The following TP63 variants were observed in gnomAD, a reference collection of about 807,000 sequenced individuals.
TP63 encodes the protein tumor protein 63.
TP63 carries 17 observed loss-of-function variants against 82.8 expected under a neutral mutation model. That is an observed-to-expected ratio of 0.21 (90% CI 0.14 to 0.31). The LOEUF is 0.31. Ranked by LOEUF, TP63 falls within the 10% of genes least tolerant of loss-of-function variation. TP63 has a pLI of 1.00. For missense variants in TP63, 648 were observed against 895.3 expected (o/e 0.72, Z 3.52); for synonymous variants, 330 against 321.7 (o/e 1.03, Z -0.28).
intron 10 of TP63, among the ~76,000 whole-genome samples, chr3:189,875,340 G>C (rs1200008716): frequency 6.6e-6 from 1 of 151,550 alleles, no homozygotes; most frequent in Non-Finnish European, 1.5e-5. Context: ...GGCCAAGGTG[G>C]GTGGATCACG....
chr3:189,822,419 C>T (rs1728889929), intron 4 of TP63, among the ~76,000 whole-genome samples: 1 of 152,114 alleles, frequency 6.6e-6, no homozygotes, highest in South Asian at 2.1e-4. Flanking sequence ...AGGGTTTAAT[C>T]TGAAATGGTC....
intron 3 of TP63, among the ~76,000 whole-genome samples, chr3:189,750,494 G>A (rs956545440): frequency 6.6e-6 from 1 of 152,168 alleles, no homozygotes; most frequent in Non-Finnish European, 1.5e-5. Context: ...TCAACACATA[G>A]AAATGATAAA....
chr3:189,631,944 C>A (rs1729486364), intron 1 of TP63, among the ~76,000 whole-genome samples: 1 of 151,988 alleles, frequency 6.6e-6, no homozygotes, highest in African/African-American at 2.4e-5. Flanking sequence ...AAATAAACAC[C>A]AAATAATTTT....
At chr3:189,797,041 T>C (rs1381360578) in intron 3 of TP63, among the ~76,000 whole-genome samples, 1 of 152,084 alleles carries the variant, frequency 6.6e-6, no homozygotes, top group East Asian at 1.9e-4. Flanking sequence ...AGGGAATAAC[T>C]GGCAAGAATA....
At chr3:189,759,768 CAG>C (rs578183726) in intron 3 of TP63, among the ~76,000 whole-genome samples, 16 of 152,290 alleles carry the variant, frequency 1.1e-4, no homozygotes, top group African/African-American at 3.8e-4. Context: ...TGACCACCCT[CAG>C]AGAGAGTAGC....
At chr3:189,833,308 A>G (rs1198825883) in intron 4 of TP63, among the ~76,000 whole-genome samples, 1 of 152,264 alleles carries the variant, frequency 6.6e-6, no homozygotes, top group African/African-American at 2.4e-5. Context: ...TCAGACCAGC[A>G]TATAAACAAG....
At chr3:189,679,474 A>T (rs1715725125) in intron 1 of TP63, among the ~76,000 whole-genome samples, 1 of 151,962 alleles carries the variant, frequency 6.6e-6, no homozygotes, top group South Asian at 2.1e-4. Flanking sequence ...TTTTTAAATT[A>T]GATTATTTGT....
At chr3:189,645,042 C>T (rs921268773) in intron 1 of TP63, among the ~76,000 whole-genome samples, 1 of 152,014 alleles carries the variant, frequency 6.6e-6, no homozygotes, top group Admixed American at 6.6e-5. Flanking sequence ...ATTCAGACAT[C>T]CTAGTTTCCA....
intron 3 of TP63, among the ~76,000 whole-genome samples, chr3:189,743,914 A>C (rs1422929118): frequency 1.3e-5 from 2 of 152,132 alleles, no homozygotes; most frequent in Non-Finnish European, 2.9e-5. Context: ...TTTGACCATC[A>C]TGGGCCCTGA....
chr3:189,862,528 A>G (rs946959116), intron 4 of TP63, among the ~76,000 whole-genome samples: 2 of 152,170 alleles, frequency 1.3e-5, no homozygotes, highest in Admixed American at 1.3e-4. Flanking sequence ...ATCTTTACAT[A>G]CTTGGAAGGA....
At chr3:189,729,196 A>T (rs1212292558) in intron 1 of TP63, among the ~76,000 whole-genome samples, 3 of 152,182 alleles carry the variant, frequency 2.0e-5, no homozygotes, top group African/African-American at 7.2e-5. Flanking sequence ...CATTACCTTT[A>T]AGGAAGAAAT....
chr3:189,837,005 T>C (rs1041064389), intron 4 of TP63, among the ~76,000 whole-genome samples: 1 of 152,216 alleles, frequency 6.6e-6, no homozygotes, highest in Non-Finnish European at 1.5e-5. Flanking sequence ...ATGTAACCTT[T>C]CTTGAGATTA....
At chr3:189,856,430 A>T (rs1716299430) in intron 4 of TP63, among the ~76,000 whole-genome samples, 1 of 151,368 alleles carries the variant, frequency 6.6e-6, no homozygotes, top group South Asian at 2.1e-4. Context: ...TTAAATGTTT[A>T]TATTAGAAAA....
intron 1 of TP63, among the ~76,000 whole-genome samples, chr3:189,677,102 T>C (rs1221027914): frequency 6.6e-6 from 1 of 151,610 alleles, no homozygotes; most frequent in African/African-American, 2.4e-5. Flanking sequence ...TTCTGAGTTA[T>C]TTTACTTAAG....
In TP63 at chr3:189,881,850, T is replaced by G. The variant is rs1577186379; in HGVS notation, c.1350-4544T>G. On this transcript the variant is annotated intron_variant, in intron 10 of 13. Transcript: ENST00000264731. Reference sequence around the variant, plus strand: ...TGTTAATTCGCCAAATTTACTAAAGTGAATTTCAATCAAATCCAAATGTTT... The same window carrying G: ...TGTTAATTCGCCAAATTTACTAAAGGGAATTTCAATCAAATCCAAATGTTT... Among the ~76,000 whole-genome samples the G allele has an allele frequency of 2.0e-5, 3 of 152,296 alleles. No homozygotes were observed. The East Asian group carries it at 5.8e-4, about 29-fold the overall frequency.
intron 4 of TP63, among the ~76,000 whole-genome samples, chr3:189,819,279 G>T (rs1386102987): frequency 2.6e-5 from 4 of 151,822 alleles, no homozygotes; most frequent in Non-Finnish European, 5.9e-5. Context: ...ATAAGCAAAT[G>T]TGCACTTTTT....
chr3:189,875,270 C>A (rs1718908604), intron 10 of TP63, among the ~76,000 whole-genome samples: 1 of 151,628 alleles, frequency 6.6e-6, no homozygotes, highest in African/African-American at 2.4e-5. Flanking sequence ...TGTTCCTCCC[C>A]CTATTAAAAA....
chr3:189,820,262 A>G (rs1350060426), intron 4 of TP63, among the ~76,000 whole-genome samples: 1 of 152,212 alleles, frequency 6.6e-6, no homozygotes, highest in Non-Finnish European at 1.5e-5. Context: ...CAGAACCACA[A>G]GGAACTATAG....
At chr3:189,609,831 G>A in the TP63 span, among the ~76,000 whole-genome samples, 2 of 152,126 alleles carry the variant, frequency 1.3e-5, no homozygotes, top group African/African-American at 4.8e-5. Flanking sequence ...GAATAGTGCT[G>A]CAATGAATGT....
Sources: allele counts gnomAD v4.1 joint callset (sites outside exome capture counted in the v4.1 genomes callset), GRCh38; gene constraint gnomAD v4.1.1; transcripts MANE v1.5; gene names NCBI Gene and HGNC (gene_info 2026-07-23, HGNC 2026-07-21).